Variants in PTPA observed in about 807,000 individuals in gnomAD.
PTPA encodes serine/threonine-protein phosphatase 2A activator.
Under a neutral mutation model 43.6 loss-of-function variants are expected in PTPA, and 13 were observed. The ratio of observed to expected loss-of-function variants is 0.30; its 90% CI spans 0.19 to 0.47. The LOEUF (loss-of-function observed/expected upper bound fraction) is 0.47. Ranked by LOEUF, PTPA falls within the 20% of genes least tolerant of loss-of-function variation. The probability of loss-of-function intolerance (pLI) is 0.99; values close to 1 mark genes in which losing one functional copy is unlikely to be tolerated. For missense variants in PTPA, 329 were observed against 411.9 expected, an observed-to-expected ratio of 0.80 and a Z score of 1.74; for synonymous variants, 172 against 158.2, an observed-to-expected ratio of 1.09 and a Z score of -0.66.
chr9:129,134,781 T>G lies in PTPA; in HGVS notation c.461-14T>G. 4 of 1,607,200 alleles carry G rather than the reference T, an allele frequency of 2.5e-6. No homozygotes were observed. Among genetic ancestry groups the G allele is most frequent in the Non-Finnish European group, 3.4e-6 (4 of 1,175,154 alleles). On this transcript the variant is annotated splice_polypyrimidine_tract_variant and intron_variant, in intron 5 of 9. Transcript: ENST00000393370. ...CCTGGACTACTGTCAACGCTGGTTG[T>G]TTTTCTCCTCCAGGGCATGAGGCAG...
chr9:129,138,337 G>A (rs1850519689), intron 8 of PTPA, among the ~76,000 whole-genome samples: 1 of 152,182 alleles, frequency 6.6e-6, no homozygotes, highest in Non-Finnish European at 1.5e-5. Flanking sequence ...CTCCTAGTGT[G>A]TTTGTTAAAA....
upstream of PTPA, chr9:129,111,318 ATGCGC>A: frequency 1.8e-6 from 2 of 1,132,400 alleles, no homozygotes; most frequent in Non-Finnish European, 1.1e-6. Flanking sequence ...GTTGGCGCGC[ATGCGC>A]CCCGCGCGCC....
At chr9:129,132,747 C>T (rs1415743818) in intron 5 of PTPA, among the ~76,000 whole-genome samples, 1 of 152,210 alleles carries the variant, frequency 6.6e-6, no homozygotes, top group Non-Finnish European at 1.5e-5. Flanking sequence ...CCACCTTGGC[C>T]TCCCAAAGTG....
chr9:129,112,785 T>C (rs1848625526), intron 1 of PTPA, among the ~76,000 whole-genome samples: 1 of 151,940 alleles, frequency 6.6e-6, no homozygotes. Context: ...CTTCTAAAAA[T>C]ACAAAATTAG....
At chr9:129,141,449 A>G (rs1288959875) in intron 8 of PTPA, among the ~76,000 whole-genome samples, 1 of 152,140 alleles carries the variant, frequency 6.6e-6, no homozygotes, top group African/African-American at 2.4e-5. Context: ...GGTCTGGGGT[A>G]CAGAGCCCTG....
rs574528543 is a variant in PTPA at position 129,128,647 on chromosome 9, G to A, written c.217-338G>A. Among the ~76,000 whole-genome samples the A allele has an allele frequency of 2.6e-5, 4 of 152,058 alleles. No homozygotes were observed. In the South Asian group the frequency reaches 8.3e-4, roughly 32 times the overall value. On this transcript the variant is annotated intron_variant, in intron 3 of 9. Coordinates refer to ENST00000393370, the MANE Select transcript of PTPA (RefSeq NM_178000.3). ...TTATGATGAGTAGGTATTGCATACT[G>A]AACAAAAGGCTTCCATAAAGTCTTT...
In PTPA at chr9:129,147,835, C is replaced by T. The variant is rs914845865; in HGVS notation, c.*371C>T. 7 of 230,086 alleles carry T rather than the reference C, an allele frequency of 3.0e-5. No homozygotes were observed. Among genetic ancestry groups the T allele is most frequent in the Non-Finnish European group, 6.1e-5 (7 of 114,400 alleles). The allele number at this position is 230,086 out of a possible 1,614,324, so 14.3% of individuals were successfully genotyped here. A position where few individuals can be genotyped will look rare whatever the true frequency, so the allele number is the denominator to read the frequency against. On this transcript the variant is annotated 3_prime_UTR_variant, in exon 10 of 10. Coordinates refer to ENST00000393370, the MANE Select transcript of PTPA (RefSeq NM_178000.3). ...CACCGCAGGGAAGGGAGGAGAGATA[C>T]CTGCTGCTTCCATTGCTTTTCCCTT...
chr9:129,112,241 C>A (rs1848566306), intron 1 of PTPA, among the ~76,000 whole-genome samples: 1 of 152,110 alleles, frequency 6.6e-6, no homozygotes, highest in South Asian at 2.1e-4. Flanking sequence ...CCTTCGGTAA[C>A]TCTTATTTAC....
Position 129,116,807 on chromosome 9 carries a change from G to A in PTPA, c.32-3706G>A, listed in dbSNP as rs149121851. The stretch of plus-strand genomic sequence containing the variant: ...CTGCCTACCAAAGTGCTGGGATTAC[G>A]GACATGAGCCACTTCACCTGGCTAA... On this transcript the variant is annotated intron_variant, in intron 1 of 9. Coordinates refer to ENST00000393370, the MANE Select transcript of PTPA (RefSeq NM_178000.3). Among the ~76,000 whole-genome samples the A allele has an allele frequency of 2.2e-3, 333 of 152,002 alleles. 1 individual carries two copies. The highest frequency in any genetic ancestry group is 3.4e-3 in the Non-Finnish European group (234 of 67,952).
intron 5 of PTPA, among the ~76,000 whole-genome samples, chr9:129,133,916 C>G (rs1001351721): frequency 2.6e-5 from 4 of 152,244 alleles, no homozygotes; most frequent in African/African-American, 9.6e-5. Context: ...GCATTTCTTG[C>G]TTCCCTCACT....
At chr9:129,128,712 A>G (rs1275525590) in intron 3 of PTPA, among the ~76,000 whole-genome samples, 1 of 152,220 alleles carries the variant, frequency 6.6e-6, no homozygotes, top group Non-Finnish European at 1.5e-5. Context: ...TCTCTATAGC[A>G]GCAGCCCATG....
chr9:129,116,202 T>C (rs1338563901), intron 1 of PTPA, among the ~76,000 whole-genome samples: 1 of 151,832 alleles, frequency 6.6e-6, no homozygotes, highest in African/African-American at 2.4e-5. Flanking sequence ...ATTTTTTATT[T>C]GAGGCGGAGT....
chr9:129,112,537 TC>T, intron 1 of PTPA, among the ~76,000 whole-genome samples: 1 of 152,246 alleles, frequency 6.6e-6, no homozygotes, highest in Middle Eastern at 3.4e-3. Flanking sequence ...AGAAAAGGCA[TC>T]CCCTCCATGC....
At chr9:129,122,268 A>G (rs1467286517) in intron 2 of PTPA, among the ~76,000 whole-genome samples, 1 of 151,974 alleles carries the variant, frequency 6.6e-6, no homozygotes, top group Non-Finnish European at 1.5e-5. Context: ...ACACCTGGCA[A>G]ACTTTTTAAT....
chr9:129,111,117 G>C (rs1047884369), upstream of PTPA: 4 of 1,329,834 alleles, frequency 3.0e-6, no homozygotes, highest in Admixed American at 7.7e-5. Flanking sequence ...ATGTTGACCG[G>C]GGAATGTCCT....
chr9:129,113,584 A>T (rs1848685006), intron 1 of PTPA, among the ~76,000 whole-genome samples: 3 of 151,938 alleles, frequency 2.0e-5, no homozygotes, highest in Middle Eastern at 3.4e-3. Context: ...GCCATGGCCA[A>T]CATGGCAAAA....
chr9:129,141,987 T>G (rs1475553164), intron 8 of PTPA: 1 of 155,460 alleles, frequency 6.4e-6, no homozygotes, highest in Non-Finnish European at 1.4e-5. Flanking sequence ...GGGGCCTAGC[T>G]GCTGCTGCTA....
chr9:129,137,490 C>A, intron 7 of PTPA, 102 bp from the exon 8 acceptor site: 1 of 829,218 alleles, frequency 1.2e-6, no homozygotes, highest in South Asian at 1.7e-5. Context: ...GAGGGCACCA[C>A]GGGCAGGACT....
chr9:129,136,396 T>G (rs1850369616), intron 6 of PTPA, 75 bp from the exon 7 acceptor site: 1 of 1,484,042 alleles, frequency 6.7e-7, no homozygotes, highest in African/African-American at 1.4e-5. Context: ...GGTCTCCTTG[T>G]GCTCCCAGTG....
Sources: gnomAD v4.1 joint callset for allele counts (sites outside exome capture counted in the v4.1 genomes callset) on GRCh38, gnomAD v4.1.1 for gene constraint, MANE v1.5 for transcripts, NCBI Gene and HGNC (gene_info 2026-07-23, HGNC 2026-07-21) for gene names.